The following FKBP15 variants were observed in gnomAD, a reference collection of about 807,000 sequenced individuals.
The protein encoded by FKBP15 is FKBP prolyl isomerase family member 15.
In FKBP15, 106 loss-of-function variants were observed where a neutral mutation model predicts 158.1. The observed-to-expected ratio is 0.67, with a 90% CI of 0.57 to 0.79. The LOEUF is 0.79. Among genes scored for constraint, FKBP15 ranks in the 30% least tolerant of loss-of-function variants. The pLI, the probability that FKBP15 is intolerant of heterozygous loss-of-function variation, is 0.00. For missense variants in FKBP15, 1,287 were observed against 1,479.1 expected, an observed-to-expected ratio of 0.87 and a Z score of 2.13; for synonymous variants, 547 against 548.6, an observed-to-expected ratio of 1.00 and a Z score of 0.04.
At chr9:113,207,565 C>A (rs146570397) in intron 2 of FKBP15, among the ~76,000 whole-genome samples, 18 of 152,062 alleles carry the variant, frequency 1.2e-4, no homozygotes, top group African/African-American at 4.3e-4. Flanking sequence ...GTCTTGAACT[C>A]CTGACCTCGT....
At chr9:113,185,875 C>T (rs1830477007) in intron 15 of FKBP15, among the ~76,000 whole-genome samples, 1 of 152,116 alleles carries the variant, frequency 6.6e-6, no homozygotes, top group African/African-American at 2.4e-5. Context: ...CTCCCAATTT[C>T]CTCCAATGTT....
chr9:113,165,064 A>G lies in FKBP15; in HGVS notation c.*1014T>C, dbSNP rs1280838285. Reference sequence around the variant, plus strand: ...AATTATTCTGTTTTTTTAAAGACTGATTGCATAATCTTTGGAAGATCCTGG... The same window carrying G: ...AATTATTCTGTTTTTTTAAAGACTGGTTGCATAATCTTTGGAAGATCCTGG... On this transcript the variant is annotated 3_prime_UTR_variant, in exon 28 of 28. Coordinates refer to ENST00000238256, the MANE Select transcript of FKBP15 (RefSeq NM_015258.2). The G allele has an allele frequency of 9.1e-6, 1 of 109,942 alleles. No homozygotes were observed. The highest frequency in any genetic ancestry group is 2.9e-5 in the African/African-American group (1 of 34,326). The allele number at this position is 109,942 out of a possible 1,614,324, so 6.8% of individuals were successfully genotyped here. A position where few individuals can be genotyped will look rare whatever the true frequency, so the allele number is the denominator to read the frequency against.
At chr9:113,168,843 C>A (rs1469422256) in intron 26 of FKBP15, among the ~76,000 whole-genome samples, 1 of 152,204 alleles carries the variant, frequency 6.6e-6, no homozygotes. Context: ...TTTAGAATAG[C>A]ACCCTGTTTC....
At chr9:113,178,005 A>G (rs1031031694) in intron 20 of FKBP15, among the ~76,000 whole-genome samples, 1 of 152,218 alleles carries the variant, frequency 6.6e-6, no homozygotes, top group Admixed American at 6.5e-5. Flanking sequence ...AAAGAGATCA[A>G]ATGTTCTAGA....
intron 7 of FKBP15, among the ~76,000 whole-genome samples, chr9:113,199,139 G>GA (rs1210783088): frequency 2.6e-5 from 4 of 151,636 alleles, no homozygotes; most frequent in Non-Finnish European, 5.9e-5. Flanking sequence ...TCCAGGTTTA[G>GA]AAAAAAAACA....
intron 14 of FKBP15, chr9:113,186,963 G>A (rs577885841): frequency 9.2e-5 from 14 of 152,284 alleles, no homozygotes; most frequent in Admixed American, 2.0e-4. Flanking sequence ...GATAGTAAGC[G>A]CTTAATAAAC....
intron 21 of FKBP15, among the ~76,000 whole-genome samples, chr9:113,174,817 A>ACATCCTAACTTTCAT: frequency 1.9e-5 from 1 of 51,774 alleles, no homozygotes; most frequent in African/African-American, 6.8e-5. Flanking sequence ...GAGCTAGGGA[A>ACATCCTAACTTTCAT]ATTGGGAGGC....
rs1398287863 is a variant in FKBP15 at position 113,186,203 on chromosome 9, G to A, written c.1498+46C>T. The A allele has an allele frequency of 2.2e-6, 3 of 1,349,912 alleles. No individual in the cohort carries two copies. The Admixed American group carries it at 5.9e-5, about 27-fold the overall frequency. The allele number at this position is 1,349,912 out of a possible 1,614,324, so 83.6% of individuals were successfully genotyped here. A position where few individuals can be genotyped will look rare whatever the true frequency, so the allele number is the denominator to read the frequency against. On this transcript the variant is annotated intron_variant, in intron 15 of 27. Coordinates refer to ENST00000238256, the MANE Select transcript of FKBP15 (RefSeq NM_015258.2). ...TGAAGGAGGAGCAAGAAGAGGGAAA[G>A]CACAGCAAGAGCGGAAGATGAGAAA...
intron 9 of FKBP15, among the ~76,000 whole-genome samples, chr9:113,195,465 T>C (rs974700124): frequency 6.6e-6 from 1 of 152,032 alleles, no homozygotes; most frequent in African/African-American, 2.4e-5. Flanking sequence ...CAAAGGAAAA[T>C]TGACAGAGAA....
intron 19 of FKBP15, among the ~76,000 whole-genome samples, chr9:113,179,473 C>T (rs1830354472): frequency 6.6e-6 from 1 of 152,016 alleles, no homozygotes; most frequent in Non-Finnish European, 1.5e-5. Flanking sequence ...ACCAGCCTGA[C>T]CAACATGGTG....
intron 4 of FKBP15, among the ~76,000 whole-genome samples, chr9:113,204,878 A>G (rs979201160): frequency 1.3e-5 from 2 of 151,790 alleles, no homozygotes; most frequent in Non-Finnish European, 2.9e-5. Context: ...CTTTTCCTCT[A>G]TTTTCTTTAA....
chr9:113,206,711 AAT>A lies in FKBP15; in HGVS notation c.255-135_255-134del, dbSNP rs1564184365. The A allele has an allele frequency of 5.1e-6, 3 of 588,872 alleles. No homozygotes were observed. In the African/African-American group the frequency reaches 6.3e-5, roughly 12 times the overall value. 36.5% of individuals were successfully genotyped at this position (588,872 alleles called of 1,614,324 possible). ...GCAGGGACACAGGTGAGCGGTTTAA[AAT>A]TTTTTTTTTTTTTTTTTTTTTTGAG... On this transcript the variant is annotated intron_variant, in intron 3 of 27. Transcript: ENST00000238256.
chr9:113,207,502 G>C (rs1412079871), intron 2 of FKBP15, among the ~76,000 whole-genome samples: 1 of 151,618 alleles, frequency 6.6e-6, no homozygotes, highest in Non-Finnish European at 1.5e-5. Flanking sequence ...ACCACATCCG[G>C]CTAATTTTTG....
At chr9:113,176,413 A>T in intron 21 of FKBP15, 124 bp downstream of exon 21, 4 of 1,193,502 alleles carry the variant, frequency 3.4e-6, no homozygotes, top group Admixed American at 3.0e-5. Flanking sequence ...ATTTTTTTTT[A>T]ATTTTACACT....
In FKBP15 at chr9:113,174,439, C is replaced by CT. The variant is rs770252688; in HGVS notation, c.2367dup (p.Ala790SerfsTer11). 6.2e-7 allele frequency: 1 copy of CT among 1,613,756 alleles called. No homozygotes were observed. ...CAGTTTCCCATTACCTGCTCTGCAG[C>CT]TGCTTGGTCTGTGGACACTCGAGTC... On this transcript the variant is annotated frameshift_variant, in exon 22 of 28. Transcript: ENST00000238256. LOFTEE classifies it high-confidence loss of function.
Position 113,202,520 on chromosome 9 carries a change from G to A in FKBP15, c.498+11C>T, listed in dbSNP as rs1830812341. ...TTTTGGCTTTTCACAGGGAGAGTAA[G>A]ATGTTATCACCTGCTTATTGAACTC... On this transcript the variant is annotated intron_variant, in intron 6 of 27. Coordinates refer to ENST00000238256, the MANE Select transcript of FKBP15 (RefSeq NM_015258.2). 15 of 1,553,212 alleles carry A rather than the reference G, an allele frequency of 9.7e-6. No individual in the cohort carries two copies. The highest frequency in any genetic ancestry group is 1.2e-5 in the Non-Finnish European group (14 of 1,143,356).
At chr9:113,194,332 G>A (rs1356293175) in intron 9 of FKBP15, among the ~76,000 whole-genome samples, 163 bp from the exon 10 acceptor site, 2 of 151,680 alleles carry the variant, frequency 1.3e-5, no homozygotes, top group African/African-American at 4.8e-5. Flanking sequence ...CAAGTTAGTG[G>A]GTGCAGCACA....
intron 11 of FKBP15, among the ~76,000 whole-genome samples, chr9:113,192,606 G>A (rs1392917084): frequency 6.6e-6 from 1 of 152,188 alleles, no homozygotes; most frequent in Non-Finnish European, 1.5e-5. Flanking sequence ...AATTAGTACA[G>A]AGCTCCTCTG....
chr9:113,168,991 T>TGCCCACCACACTACCGCAGG lies in FKBP15; in HGVS notation c.3485+232_3485+233insCCTGCGGTAGTGTGGTGGGC, dbSNP rs1830149718. Reference sequence around the variant, plus strand: ...CACAGGGCCCACCACACTACCACAGTGCCCGCCACACTACCGCAGGGCCCG... The same window carrying TGCCCACCACACTACCGCAGG: ...CACAGGGCCCACCACACTACCACAGTGCCCACCACACTACCGCAGGGCCCGCCACACTACCGCAGGGCCCG... On this transcript the variant is annotated intron_variant, in intron 26 of 27. Transcript: ENST00000238256. Among the ~76,000 whole-genome samples, 8 of 145,848 alleles carry TGCCCACCACACTACCGCAGG rather than the reference T, an allele frequency of 5.5e-5. No homozygotes were observed. In the South Asian group the frequency reaches 1.3e-3, roughly 25 times the overall value.
Sources: allele counts gnomAD v4.1 joint callset (sites outside exome capture counted in the v4.1 genomes callset), GRCh38; gene constraint gnomAD v4.1.1; transcripts MANE v1.5; gene names NCBI Gene and HGNC (gene_info 2026-07-23, HGNC 2026-07-21).